The following IFT43 variants were observed in gnomAD, a reference collection of about 807,000 sequenced individuals.
The protein encoded by IFT43 is intraflagellar transport 43.
A neutral mutation model predicts 32.3 loss-of-function variants in IFT43; 33 were observed. The ratio of observed to expected loss-of-function variants is 1.02; its 90% CI spans 0.77 to 1.37. IFT43 has a LOEUF of 1.37. IFT43 is among the 40% of genes most tolerant of loss of function. IFT43 has a pLI of 0.00. For synonymous variants in IFT43, 93 were observed against 98.2 expected (o/e 0.95, Z 0.31); for missense variants, 274 against 265.9 (o/e 1.03, Z -0.21).
chr14:76,028,395 G>C (rs775274275), intron 3 of IFT43, among the ~76,000 whole-genome samples: 1 of 152,054 alleles, frequency 6.6e-6, no homozygotes, highest in Admixed American at 6.5e-5. Flanking sequence ...CTATAAAGAA[G>C]AATTTACTCT....
chr14:76,010,144 A>G (rs2036055940), intron 2 of IFT43, among the ~76,000 whole-genome samples: 1 of 152,160 alleles, frequency 6.6e-6, no homozygotes, highest in Non-Finnish European at 1.5e-5. Context: ...AGGTATACAC[A>G]ATTAAAATAT....
At chr14:75,988,766 C>A in intron 1 of IFT43, 119 bp from the exon 2 acceptor site, 1 of 1,463,078 alleles carries the variant, frequency 6.8e-7, no homozygotes, top group South Asian at 1.1e-5. Context: ...GATCTGCCTG[C>A]CTCGTCCTCC....
At chr14:76,051,147 C>T (rs761958222) in intron 3 of IFT43, among the ~76,000 whole-genome samples, 1 of 150,116 alleles carries the variant, frequency 6.7e-6, no homozygotes, top group Non-Finnish European at 1.5e-5. Flanking sequence ...CCTAAAACCC[C>T]AGAGTGCCAA....
intron 3 of IFT43, among the ~76,000 whole-genome samples, chr14:76,033,485 G>A (rs1471701754): frequency 6.6e-6 from 1 of 152,142 alleles, no homozygotes; most frequent in Admixed American, 6.5e-5. Flanking sequence ...AGGGGAATGG[G>A]GACTTTAGAG....
At chr14:76,024,527 G>A (rs1198605057) in intron 3 of IFT43, among the ~76,000 whole-genome samples, 1 of 152,206 alleles carries the variant, frequency 6.6e-6, no homozygotes, top group African/African-American at 2.4e-5. Context: ...AACGCCTATT[G>A]CAAAGAATTG....
chr14:75,999,967 A>G (rs1438187999), intron 2 of IFT43, among the ~76,000 whole-genome samples: 3 of 152,238 alleles, frequency 2.0e-5, no homozygotes, highest in Admixed American at 6.5e-5. Flanking sequence ...TGGAGGATAG[A>G]GTGGGAGAGC....
intron 2 of IFT43, among the ~76,000 whole-genome samples, chr14:76,009,522 T>G (rs1199682023): frequency 6.6e-6 from 1 of 152,246 alleles, no homozygotes; most frequent in Non-Finnish European, 1.5e-5. Flanking sequence ...GCCTGTGTTC[T>G]CTCTATTTTT....
At chr14:76,071,580 G>A (rs534223148) in intron 5 of IFT43, among the ~76,000 whole-genome samples, 4 of 152,092 alleles carry the variant, frequency 2.6e-5, no homozygotes, top group South Asian at 2.1e-4. Flanking sequence ...TTTCAGAGGT[G>A]GGAAGAGATG....
At chr14:76,013,868 C>T in intron 2 of IFT43, 1 of 241,632 alleles carries the variant, frequency 4.1e-6, no homozygotes, top group Non-Finnish European at 8.9e-6. Context: ...CCCATTTAAA[C>T]CACTGAAGAC....
At chr14:76,031,119 C>T (rs1019826199) in intron 3 of IFT43, among the ~76,000 whole-genome samples, 6 of 149,460 alleles carry the variant, frequency 4.0e-5, no homozygotes, top group African/African-American at 9.8e-5. Context: ...TATATTTCTC[C>T]TCCTTTGTTT....
At chr14:75,999,265 A>G (rs1345735759) in intron 2 of IFT43, among the ~76,000 whole-genome samples, 8 of 23,728 alleles carry the variant, frequency 3.4e-4, no homozygotes, top group African/African-American at 2.1e-3. Context: ...ATATATATAT[A>G]TATATATGTA....
chr14:76,048,154 C>T (rs370759521), intron 3 of IFT43, among the ~76,000 whole-genome samples: 219 of 152,320 alleles, frequency 1.4e-3, no homozygotes, highest in African/African-American at 4.5e-3. Flanking sequence ...GAGCGCTGCA[C>T]GCATTTATCT....
At chr14:76,017,117 G>T (rs1051649726) in intron 2 of IFT43, among the ~76,000 whole-genome samples, 1 of 152,164 alleles carries the variant, frequency 6.6e-6, no homozygotes, top group Non-Finnish European at 1.5e-5. Flanking sequence ...TCCTTGTCTT[G>T]TTCCAGTTCT....
chr14:76,014,569 A>G (rs1359686962), intron 2 of IFT43, among the ~76,000 whole-genome samples: 1 of 152,120 alleles, frequency 6.6e-6, no homozygotes, highest in Non-Finnish European at 1.5e-5. Flanking sequence ...CCCCAGTATC[A>G]CTACACCCTT....
chr14:76,040,725 GC>G (rs1177583118), intron 3 of IFT43, among the ~76,000 whole-genome samples: 1 of 152,216 alleles, frequency 6.6e-6, no homozygotes, highest in East Asian at 1.9e-4. Flanking sequence ...GTCCCCACAA[GC>G]CCTGCTGCAG....
chr14:76,037,685 TTC>T (rs200930644), intron 3 of IFT43, among the ~76,000 whole-genome samples: 6 of 55,114 alleles, frequency 1.1e-4, no homozygotes, highest in African/African-American at 3.3e-4. Flanking sequence ...TTTTCCCTCA[TTC>T]TCTGTTTTTT....
At chr14:76,040,932 C>T (rs944018247) in intron 3 of IFT43, among the ~76,000 whole-genome samples, 2 of 152,322 alleles carry the variant, frequency 1.3e-5, no homozygotes, top group Middle Eastern at 3.4e-3. Flanking sequence ...GACCCTGAGG[C>T]CACACATTGT....
chr14:76,043,707 C>G (rs951082682), intron 3 of IFT43, among the ~76,000 whole-genome samples: 2 of 152,216 alleles, frequency 1.3e-5, no homozygotes, highest in Admixed American at 6.5e-5. Flanking sequence ...CCTCTGACAC[C>G]AGATGTATAG....
At chr14:76,048,873 C>G (rs962882144) in intron 3 of IFT43, among the ~76,000 whole-genome samples, 5 of 152,198 alleles carry the variant, frequency 3.3e-5, no homozygotes, top group Non-Finnish European at 4.4e-5. Context: ...CTGTGCTCCC[C>G]CAGTGGCTCG....
Sources: gnomAD v4.1 joint callset for allele counts (sites outside exome capture counted in the v4.1 genomes callset) on GRCh38, gnomAD v4.1.1 for gene constraint, MANE v1.5 for transcripts, NCBI Gene and HGNC (gene_info 2026-07-23, HGNC 2026-07-21) for gene names.